The following SNRPN variants were observed in gnomAD, a reference collection of about 807,000 sequenced individuals.
SNRPN encodes small nuclear ribonucleoprotein polypeptide N.
SNRPN carries 7 observed loss-of-function variants against 25.2 expected under a neutral mutation model. The ratio of observed to expected loss-of-function variants is 0.28; its 90% confidence interval spans 0.16 to 0.52. The LOEUF is 0.52. Ranked by LOEUF, SNRPN falls within the 20% of genes least tolerant of loss-of-function variation. The pLI, the probability that SNRPN is intolerant of heterozygous loss-of-function variation, is 0.96. For missense variants in SNRPN, 196 were observed against 322.5 expected, an observed-to-expected ratio of 0.61 and a Z score of 3.00; for synonymous variants, 124 against 110.6, an observed-to-expected ratio of 1.12 and a Z score of -0.76.
intron 1 of SNRPN, 30 bp downstream of exon 1, chr15:24,955,092 G>A: frequency 6.2e-7 from 1 of 1,613,616 alleles, no homozygotes; most frequent in Non-Finnish European, 8.5e-7. Context: ...TCTCTCAAGA[G>A]ACAGCCTGGG....
intron 3 of SNRPN, among the ~76,000 whole-genome samples, chr15:24,948,532 T>G (rs1261462262): frequency 6.6e-6 from 1 of 152,118 alleles, no homozygotes; most frequent in Non-Finnish European, 1.5e-5. Flanking sequence ...TGGTACATTT[T>G]TATTAACTGA....
intron 3 of SNRPN, among the ~76,000 whole-genome samples, chr15:24,932,314 A>C (rs149194086): frequency 0.019 from 2,864 of 152,098 alleles, 100 homozygotes; most frequent in African/African-American, 0.065. Flanking sequence ...GGCTCACTGC[A>C]CCCTCCGCCT....
intron 3 of SNRPN, among the ~76,000 whole-genome samples, chr15:24,923,126 G>A (rs1010254437): frequency 3.9e-5 from 6 of 151,930 alleles, no homozygotes; most frequent in Admixed American, 1.3e-4. Flanking sequence ...GGCTGGTCTC[G>A]AACTCCTGAC....
chr15:24,956,106 C>A (rs959751692), intron 1 of SNRPN, among the ~76,000 whole-genome samples: 14 of 152,108 alleles, frequency 9.2e-5, no homozygotes, highest in African/African-American at 3.4e-4. Flanking sequence ...CTTTAGGAAC[C>A]CTCGCTTTAG....
At chr15:24,940,238 T>C (rs903033615) in intron 3 of SNRPN, among the ~76,000 whole-genome samples, 1 of 152,262 alleles carries the variant, frequency 6.6e-6, no homozygotes, top group African/African-American at 2.4e-5. Context: ...CTCCAGTTTA[T>C]CTATTTTTGT....
intron 2 of SNRPN, among the ~76,000 whole-genome samples, chr15:24,891,084 T>C (rs1032899680): frequency 6.6e-6 from 1 of 152,112 alleles, no homozygotes; most frequent in Non-Finnish European, 1.5e-5. Context: ...CTAATGTTTG[T>C]ATTTTTAGTA....
At position 24,898,905 on chromosome 15, in the gene SNRPN, T is replaced by G. The variant is rs530969771; in HGVS notation, c.-505+12316T>G. The stretch of plus-strand genomic sequence containing the variant: ...AAGCTCTGGGACCCCATGCTATTTA[T>G]TGGTGATCAAACAAAGAAACAGGTG... On this transcript the variant is annotated intron_variant, in intron 2 of 11. Transcript: ENST00000400097. Among the ~76,000 whole-genome samples the G allele has an allele frequency of 2.7e-4, 41 of 152,218 alleles. 1 individual carries two copies. In the South Asian group the frequency reaches 8.5e-3, roughly 32 times the overall value.
intron 3 of SNRPN, among the ~76,000 whole-genome samples, chr15:24,928,622 C>A (rs2060580109): frequency 6.6e-6 from 1 of 151,950 alleles, no homozygotes; most frequent in South Asian, 2.1e-4. Context: ...TTTTCTCTAT[C>A]TAGCTGTAAT....
chr15:24,860,169 A>G (rs1351990333), intron 1 of SNRPN, among the ~76,000 whole-genome samples: 1 of 152,206 alleles, frequency 6.6e-6, no homozygotes, highest in Admixed American at 6.5e-5. Context: ...GGGGCTCTGG[A>G]TTTCAGTCCT....
At chr15:24,934,573 A>G (rs1340715104) in intron 3 of SNRPN, among the ~76,000 whole-genome samples, 3 of 152,106 alleles carry the variant, frequency 2.0e-5, no homozygotes, top group Non-Finnish European at 2.9e-5. Flanking sequence ...ATTGATTATT[A>G]TTTGAAATGG....
intron 1 of SNRPN, among the ~76,000 whole-genome samples, chr15:24,862,758 T>C (rs72693658): frequency 0.15 from 22,635 of 150,384 alleles, 2,296 homozygotes; most frequent in Admixed American, 0.22. Flanking sequence ...AGGGGGGCCT[T>C]CAGGAGGAGG....
chr15:24,861,689 C>G (rs1000431301), intron 1 of SNRPN, among the ~76,000 whole-genome samples: 4 of 152,152 alleles, frequency 2.6e-5, no homozygotes, highest in African/African-American at 7.2e-5. Flanking sequence ...TGAGAGTACC[C>G]TCCTATATGT....
intron 2 of SNRPN, chr15:24,909,954 C>T: frequency 2.1e-6 from 1 of 475,736 alleles, no homozygotes; most frequent in East Asian, 3.5e-5. Context: ...GTGTAAAATG[C>T]TTTTATTATT....
intron 2 of SNRPN, among the ~76,000 whole-genome samples, chr15:24,891,361 T>C (rs1389398762): frequency 6.6e-6 from 1 of 152,214 alleles, no homozygotes; most frequent in Non-Finnish European, 1.5e-5. Context: ...AAGCATTTAC[T>C]TCCCTTTAAG....
intron 3 of SNRPN, among the ~76,000 whole-genome samples, chr15:24,940,110 G>A (rs78487836): frequency 0.023 from 3,454 of 151,960 alleles, 139 homozygotes; most frequent in African/African-American, 0.079. Context: ...ATATCTATTC[G>A]GACTATTAAC....
At chr15:24,854,760 C>T (rs1197260092), upstream of SNRPN, among the ~76,000 whole-genome samples, 2 of 152,142 alleles carry the variant, frequency 1.3e-5, no homozygotes, top group Non-Finnish European at 2.9e-5. Context: ...AATCCCAGCA[C>T]TTGAGGTTGA....
chr15:24,876,485 C>T (rs796189110), intron 1 of SNRPN, among the ~76,000 whole-genome samples: 7 of 151,996 alleles, frequency 4.6e-5, no homozygotes, highest in African/African-American at 7.2e-5. Flanking sequence ...AGTGTGGTGG[C>T]GTGCGCCTGT....
At chr15:24,837,987 T>A (rs544285968) in intron 2 of SNRPN, among the ~76,000 whole-genome samples, 1 of 151,786 alleles carries the variant, frequency 6.6e-6, no homozygotes, top group Non-Finnish European at 1.5e-5. Flanking sequence ...CCTCCCAAAG[T>A]GCTGAGATTA....
chr15:24,881,873 C>A (rs1295708434), intron 1 of SNRPN, among the ~76,000 whole-genome samples: 3 of 152,012 alleles, frequency 2.0e-5, no homozygotes, highest in Non-Finnish European at 4.4e-5. Context: ...TGAAAGGTAC[C>A]AGAACAAAGC....
Sources: gnomAD v4.1 joint callset for allele counts (sites outside exome capture counted in the v4.1 genomes callset) on GRCh38, gnomAD v4.1.1 for gene constraint, MANE v1.5 for transcripts, NCBI Gene and HGNC (gene_info 2026-07-23, HGNC 2026-07-21) for gene names.